The following KANSL1 variants were observed in gnomAD, a reference collection of about 807,000 sequenced individuals.
KANSL1 encodes MLL1/MLL complex subunit KANSL1.
Under a neutral mutation model 103.6 loss-of-function variants are expected in KANSL1, and 22 were observed. That is an observed-to-expected ratio of 0.21 (90% CI 0.15 to 0.30). KANSL1 has a LOEUF of 0.30. Ranked by LOEUF, KANSL1 falls within the 10% of genes least tolerant of loss-of-function variation. The pLI is 1.00. For synonymous variants in KANSL1, 600 were observed against 527.6 expected (o/e 1.14, Z -1.88); for missense variants, 1,337 against 1,399.8 (o/e 0.96, Z 0.72).
chr17:46,086,090 A>G (rs1057080248), intron 3 of KANSL1, among the ~76,000 whole-genome samples: 5 of 152,230 alleles, frequency 3.3e-5, no homozygotes, highest in African/African-American at 1.2e-4. Context: ...TATTAACTTT[A>G]TAATAATTAT....
At chr17:46,125,080 GGGAGA>G (rs1176685436) in intron 2 of KANSL1, among the ~76,000 whole-genome samples, 77 of 27,132 alleles carry the variant, frequency 2.8e-3, no homozygotes, top group South Asian at 0.024. Context: ...GAGGGAGGGA[GGGAGA>G]GAGGGAGGGA....
intron 2 of KANSL1, among the ~76,000 whole-genome samples, chr17:46,099,811 C>T (rs60584001): frequency 0.084 from 12,752 of 152,156 alleles, 1,684 homozygotes; most frequent in African/African-American, 0.28. Flanking sequence ...CTTTTCAACT[C>T]GTATTTTGCT....
chr17:46,053,606 G>A (rs972824411), intron 6 of KANSL1, among the ~76,000 whole-genome samples: 6 of 151,846 alleles, frequency 4.0e-5, no homozygotes, highest in African/African-American at 1.5e-4. Context: ...TAATATTTTT[G>A]TATTTTTTTA....
chr17:46,087,035 C>T (rs1161292007), intron 3 of KANSL1, among the ~76,000 whole-genome samples: 3 of 151,994 alleles, frequency 2.0e-5, no homozygotes, highest in Non-Finnish European at 2.9e-5. Flanking sequence ...CCCAAAGTGC[C>T]GGGTTGCAGG....
At chr17:46,110,255 G>A (rs1230846768) in intron 2 of KANSL1, among the ~76,000 whole-genome samples, 1 of 152,114 alleles carries the variant, frequency 6.6e-6, no homozygotes, top group Non-Finnish European at 1.5e-5. Context: ...ATAATAAGAA[G>A]GTTTATGTTT....
At chr17:46,067,723 G>A (rs199662041) in intron 4 of KANSL1, 56 bp from the exon 5 acceptor site, 3 of 860,110 alleles carry the variant, frequency 3.5e-6, no homozygotes, top group South Asian at 2.8e-5. Context: ...ACCCCTGCCT[G>A]AAAAGCACCA....
chr17:46,142,091 T>C (rs34959341), intron 2 of KANSL1, among the ~76,000 whole-genome samples: 16,330 of 151,938 alleles, frequency 0.11, 1,235 homozygotes, highest in Non-Finnish European at 0.16. Flanking sequence ...GGTTTCACTA[T>C]ATTGGTAAAA....
At chr17:46,064,901 C>T (rs994127643) in intron 6 of KANSL1, among the ~76,000 whole-genome samples, 17 of 151,566 alleles carry the variant, frequency 1.1e-4, no homozygotes, top group African/African-American at 3.6e-4. Context: ...TATTATTATA[C>T]TTTAAGTTTT....
At chr17:46,144,096 G>T (rs900791515) in intron 2 of KANSL1, among the ~76,000 whole-genome samples, 1 of 152,186 alleles carries the variant, frequency 6.6e-6, no homozygotes, top group Non-Finnish European at 1.5e-5. Context: ...TCATGGGGGG[G>T]AAAACGAAAA....
At chr17:46,034,855 CCT>C (rs2077102593) in intron 10 of KANSL1, 1 of 152,714 alleles carries the variant, frequency 6.5e-6, no homozygotes, top group Non-Finnish European at 1.5e-5. Context: ...TGTGATTTCC[CCT>C]CTTTTGATGA....
intron 6 of KANSL1, among the ~76,000 whole-genome samples, chr17:46,061,893 A>AC (rs2146602701): frequency 6.6e-6 from 1 of 152,220 alleles, no homozygotes; most frequent in East Asian, 1.9e-4. Context: ...GGAGTTCGAG[A>AC]CCAGCCTGGC....
intron 2 of KANSL1, among the ~76,000 whole-genome samples, chr17:46,135,561 T>TTTTTTTTG (rs1165041626): frequency 3.2e-5 from 4 of 126,204 alleles, no homozygotes; most frequent in Non-Finnish European, 6.6e-5. Flanking sequence ...TTTTTTTTTT[T>TTTTTTTTG]GAGACAGAGT....
chr17:46,058,863 C>A (rs924596059), intron 6 of KANSL1, among the ~76,000 whole-genome samples: 3 of 151,030 alleles, frequency 2.0e-5, no homozygotes, highest in Non-Finnish European at 2.9e-5. Context: ...AAGAACCTGG[C>A]CAACATGGCG....
intron 4 of KANSL1, among the ~76,000 whole-genome samples, chr17:46,081,991 T>C (rs1396731623): frequency 3.3e-5 from 5 of 151,956 alleles, no homozygotes; most frequent in African/African-American, 7.3e-5. Context: ...AAACAGAAAA[T>C]GACAGTTTAA....
chr17:46,172,020 T>TGTTGGC lies in KANSL1; in HGVS notation c.118_123dup (p.Ala40_Asn41dup). 1 of 1,614,246 alleles carries TGTTGGC rather than the reference T, an allele frequency of 6.2e-7. No homozygotes were observed. Among genetic ancestry groups the TGTTGGC allele is most frequent in the Non-Finnish European group, 8.5e-7 (1 of 1,180,056 alleles). On this transcript the variant is annotated inframe_insertion, in exon 2 of 15. Transcript: ENST00000432791. ...TTGGTTCCGTTGGCAGCAATAAGGA[T>TGTTGGC]GTTGGCGTTGCCGTTATTTTCGGCA...
intron 2 of KANSL1, chr17:46,170,446 G>A (rs2046225385): frequency 4.9e-6 from 1 of 205,352 alleles, no homozygotes; most frequent in Admixed American, 5.9e-5. Flanking sequence ...TTCCTACAAA[G>A]GTAACTAGGT....
intron 1 of KANSL1, among the ~76,000 whole-genome samples, chr17:46,211,227 CAAAAAAA>C (rs574672233): frequency 2.0e-5 from 2 of 102,520 alleles, no homozygotes; most frequent in Non-Finnish European, 3.8e-5. Context: ...ATGTTCTATG[CAAAAAAA>C]AAAAAAAAAA....
rs561648112 is a variant in KANSL1, at chr17:46,217,213, C to T, written c.-90+6458G>A. Among the ~76,000 whole-genome samples, 19 of 152,150 alleles carry T rather than the reference C, an allele frequency of 1.2e-4. No homozygotes were observed. In the East Asian group the frequency reaches 2.9e-3, roughly 23 times the overall value. On this transcript the variant is annotated intron_variant, in intron 1 of 14. Transcript: ENST00000572904. ...TCTTCAGACCAGGTGCAGTGGCTCACGCCTGCAATCTCAGCACTTTAAGAG... is the reference window on the plus strand; with the variant it reads ...TCTTCAGACCAGGTGCAGTGGCTCATGCCTGCAATCTCAGCACTTTAAGAG...
intron 2 of KANSL1, among the ~76,000 whole-genome samples, chr17:46,125,072 G>GGGAGGGA (rs1190133578): frequency 4.8e-5 from 2 of 41,692 alleles, no homozygotes; most frequent in African/African-American, 7.6e-5. Context: ...GGAGGGAGGA[G>GGGAGGGA]GGAGGGAGGG....
Sources: gnomAD v4.1 joint callset for allele counts (sites outside exome capture counted in the v4.1 genomes callset) on GRCh38, gnomAD v4.1.1 for gene constraint, MANE v1.5 for transcripts, NCBI Gene and HGNC (gene_info 2026-07-23, HGNC 2026-07-21) for gene names.